The following ARHGEF10 variants were observed in gnomAD, a reference collection of about 807,000 sequenced individuals.
The protein encoded by ARHGEF10 is Rho guanine nucleotide exchange factor 10.
In ARHGEF10, 140 loss-of-function variants were observed where a neutral mutation model predicts 147.4. That is an observed-to-expected ratio of 0.95 (90% CI 0.83 to 1.09). The LOEUF is 1.09. Ranked by LOEUF, ARHGEF10 falls within the 50% of genes least tolerant of loss-of-function variation. The probability of loss-of-function intolerance (pLI) is 0.00; values close to 1 mark genes in which losing one functional copy is unlikely to be tolerated. For synonymous variants in ARHGEF10, 902 were observed against 695.8 expected, an observed-to-expected ratio of 1.30 and a Z score of -4.67; for missense variants, 2,222 against 1,752.7, an observed-to-expected ratio of 1.27 and a Z score of -4.78.
At chr8:1,902,404 T>C (rs910476308) in intron 15 of ARHGEF10, among the ~76,000 whole-genome samples, 4 of 152,234 alleles carry the variant, frequency 2.6e-5, no homozygotes, top group Non-Finnish European at 5.9e-5. Flanking sequence ...GCGTCATTTT[T>C]TGCTGGCTGT....
intron 28 of ARHGEF10, among the ~76,000 whole-genome samples, chr8:1,955,589 G>A (rs554774105): frequency 1.3e-5 from 2 of 151,660 alleles, no homozygotes; most frequent in South Asian, 4.2e-4. Flanking sequence ...ATCCTGAAAG[G>A]AGGTGCACTC....
intron 15 of ARHGEF10, among the ~76,000 whole-genome samples, chr8:1,900,556 C>T (rs1179520828): frequency 2.0e-5 from 3 of 152,230 alleles, no homozygotes; most frequent in Non-Finnish European, 2.9e-5. Context: ...GCAGATGGAA[C>T]ACTGCAGACG....
intron 1 of ARHGEF10, among the ~76,000 whole-genome samples, chr8:1,839,289 G>A (rs1803795420): frequency 1.3e-5 from 2 of 148,366 alleles, no homozygotes; most frequent in Admixed American, 6.7e-5. Context: ...GCTGTCTGGT[G>A]TGGGTACTGT....
chr8:1,860,009 G>C lies in ARHGEF10; in HGVS notation c.306G>C (p.Glu102Asp). ...YSVIDITPFQ[E>D]DQPPTPVPSA... ...TCATCGACATCACGCCATTCCAGGA[G>C]GACCAGCCGCCCACCCCCGTGCCCA... Residue 102 changes from glutamate to aspartate, a missense_variant, in exon 4 of 29, where the codon GAG (glutamate) becomes GAC (aspartate). Transcript: ENST00000349830. 6.2e-7 allele frequency: 1 copy of C among 1,614,126 alleles called. No individual in the cohort carries two copies. The highest frequency in any genetic ancestry group is 1.7e-5 in the Admixed American group (1 of 60,020).
chr8:1,836,572 A>C (rs1803595164), intron 1 of ARHGEF10, among the ~76,000 whole-genome samples: 1 of 152,114 alleles, frequency 6.6e-6, no homozygotes, highest in African/African-American at 2.4e-5. Flanking sequence ...TGGAGGTTCT[A>C]GGGACACAGA....
chr8:1,931,988 C>T lies in ARHGEF10; in HGVS notation c.3080-1812C>T, dbSNP rs536607922. ...ATCGTGTCATTGATCTTTGAGTTCT[C>T]GTTTCAAAGGAATGGTGCTATTGGT... On this transcript the variant is annotated intron_variant, in intron 25 of 28. Transcript: ENST00000349830. Among the ~76,000 whole-genome samples, 125 of 152,284 alleles carry T rather than the reference C, an allele frequency of 8.2e-4. 1 individual carries two copies. The highest frequency in any genetic ancestry group is 1.7e-3 in the South Asian group (8 of 4,832).
intron 1 of ARHGEF10, among the ~76,000 whole-genome samples, chr8:1,828,997 G>T (rs533710432): frequency 1.3e-5 from 2 of 152,342 alleles, no homozygotes; most frequent in East Asian, 3.9e-4. Flanking sequence ...ATAAGCTAGC[G>T]TGGTATTCAG....
chr8:1,884,705 T>G (rs1292009586), intron 10 of ARHGEF10, among the ~76,000 whole-genome samples: 1 of 152,200 alleles, frequency 6.6e-6, no homozygotes, highest in Non-Finnish European at 1.5e-5. Flanking sequence ...CTTTTCTGAT[T>G]TCCAGCCATT....
intron 11 of ARHGEF10, among the ~76,000 whole-genome samples, 181 bp downstream of exon 11, chr8:1,885,888 C>T (rs1345027439): frequency 6.6e-6 from 1 of 152,184 alleles, no homozygotes. Flanking sequence ...CAGCAAGGGT[C>T]TGGGGGGACG....
chr8:1,949,362 C>T (rs1444410447), intron 27 of ARHGEF10, among the ~76,000 whole-genome samples: 2 of 152,156 alleles, frequency 1.3e-5, no homozygotes, highest in Non-Finnish European at 2.9e-5. Flanking sequence ...CACAGACTAA[C>T]AGTTGATGAA....
In ARHGEF10 at chr8:1,873,456, A is replaced by G. The variant is rs372891585; in HGVS notation, c.680-3115A>G. The stretch of plus-strand genomic sequence containing the variant: ...GGAGCCCGCGGGGTAGTGCACCCGC[A>G]TTTCCTCGTTGCGTTGAGAGGCGCC... On this transcript the variant is annotated intron_variant, in intron 7 of 28. Transcript: ENST00000349830. Among the ~76,000 whole-genome samples the G allele has an allele frequency of 9.5e-3, 1,160 of 122,154 alleles. 1 individual carries two copies. Among genetic ancestry groups the G allele is most frequent in the African/African-American group, 0.044 (925 of 21,080 alleles). The allele number at this position is 122,154 out of a possible 152,430, so 80.1% of individuals were successfully genotyped here. A position where few individuals can be genotyped will look rare whatever the true frequency, so the allele number is the denominator to read the frequency against.
At position 1,860,156 on chromosome 8, in the gene ARHGEF10, C is replaced by A; in HGVS notation, c.453C>A (p.Ile151=). The part of the protein sequence containing the change: ...LLLPAYSSPV[I]ICATSLDEEE... ...TGCCCGCCTACTCCAGCCCGGTCAT[C>A]ATCTGCGCCACGTCCCTGGACGAAG... Residue 151 remains isoleucine, a synonymous_variant, in exon 4 of 29, where the codon ATC becomes ATA. Transcript: ENST00000349830. 6.2e-7 allele frequency: 1 copy of A among 1,613,798 alleles called. No individual in the cohort carries two copies. The highest frequency in any genetic ancestry group is 8.5e-7 in the Non-Finnish European group (1 of 1,179,976).
chr8:1,899,748 C>G (rs1319752162), intron 15 of ARHGEF10, among the ~76,000 whole-genome samples: 1 of 152,122 alleles, frequency 6.6e-6, no homozygotes, highest in Admixed American at 6.5e-5. Context: ...ATTTCTTTAG[C>G]TGACAAATAT....
rs1251932218 is a variant in ARHGEF10, at chr8:1,956,853, G to C, written c.3625G>C (p.Ala1209Pro). 1.2e-6 allele frequency: 2 copies of C among 1,613,928 alleles called. No individual in the cohort carries two copies. The highest frequency in any genetic ancestry group is 1.7e-6 in the Non-Finnish European group (2 of 1,180,038). The change falls in exon 29 of 29, where the codon GCT (alanine) becomes CCT (proline). Residue 1209 changes from alanine (A) to proline (P), a missense_variant. Transcript: ENST00000349830. ...CAAGGACAAATCCAGGGACAGCCTGGCTCCTGGCCCCGAGCCTCAGGACGA... is the reference window on the plus strand; with the variant it reads ...CAAGGACAAATCCAGGGACAGCCTGCCTCCTGGCCCCGAGCCTCAGGACGA... ...KDKDKSRDSL[A>P]PGPEPQDEDQ...
Position 1,909,343 on chromosome 8 carries a change from G to A in ARHGEF10, c.2016G>A (p.Lys672=). The stretch of plus-strand genomic sequence containing the variant: ...TGAGCAGCCAGAGGTACTTGCTGAA[G>A]TGGAGCGTTCCACTGGGACATGTGG... ...RVMSSQRYLL[K]WSVPLGHVDA... The change falls in exon 18 of 29, where the codon AAG becomes AAA. Residue 672 remains lysine, a synonymous_variant. Coordinates refer to ENST00000349830, the MANE Select transcript of ARHGEF10 (RefSeq NM_014629.4). 6.2e-7 allele frequency: 1 copy of A among 1,614,236 alleles called. No homozygotes were observed. The highest frequency in any genetic ancestry group is 1.1e-5 in the South Asian group (1 of 91,090).
At chr8:1,919,969 T>C (rs905345735) in intron 18 of ARHGEF10, among the ~76,000 whole-genome samples, 4 of 147,124 alleles carry the variant, frequency 2.7e-5, no homozygotes, top group East Asian at 2.0e-4. Context: ...GATGGAGCTG[T>C]TCTGTGGGTG....
intron 8 of ARHGEF10, among the ~76,000 whole-genome samples, chr8:1,877,674 C>A (rs1274945795): frequency 6.8e-6 from 1 of 147,202 alleles, no homozygotes; most frequent in Non-Finnish European, 1.5e-5. Context: ...AACCATTCAG[C>A]TGAGGCACCT....
intron 11 of ARHGEF10, among the ~76,000 whole-genome samples, chr8:1,891,788 G>A (rs1209216973): frequency 3.9e-5 from 6 of 152,038 alleles, no homozygotes; most frequent in African/African-American, 9.7e-5. Flanking sequence ...ATAATTTGAC[G>A]TGTCAGATTG....
intron 5 of ARHGEF10, among the ~76,000 whole-genome samples, chr8:1,866,140 C>T (rs117388688): frequency 0.015 from 2,228 of 152,320 alleles, 26 homozygotes; most frequent in Non-Finnish European, 0.02. Flanking sequence ...GACATGGAGA[C>T]GGCCCATTGC....
Sources: allele counts gnomAD v4.1 joint callset (sites outside exome capture counted in the v4.1 genomes callset), GRCh38; gene constraint gnomAD v4.1.1; transcripts MANE v1.5; gene names NCBI Gene and HGNC (gene_info 2026-07-23, HGNC 2026-07-21).